The following CCDC179 variants were observed in gnomAD, a reference collection of about 807,000 sequenced individuals.
The protein encoded by CCDC179 is coiled-coil domain-containing protein 179.
CCDC179 carries 17 observed loss-of-function variants against 12.0 expected under a neutral mutation model. That is an observed-to-expected ratio of 1.42 (90% CI 0.97 to 2.13). The LOEUF is 2.13. CCDC179 is among the 30% of genes most tolerant of loss of function. The pLI is 0.00. For missense variants in CCDC179, 83 were observed against 78.6 expected (o/e 1.06, Z -0.21); for synonymous variants, 27 against 26.4 (o/e 1.02, Z -0.07).
rs577642430 is a variant in CCDC179 at position 22,849,678 on chromosome 11, C to T, written c.196-2157G>A. Among the ~76,000 whole-genome samples, 3 of 152,192 alleles carry T rather than the reference C, an allele frequency of 2.0e-5. No homozygotes were observed. In the South Asian group the frequency reaches 6.2e-4, roughly 32 times the overall value. ...AGCCCTCACTTTCCTCCCTTCCTTC[C>T]CCATGTGTCTCGAAAGTCCATTATA... On this transcript the variant is annotated intron_variant, in intron 3 of 3. Coordinates refer to ENST00000532798, the MANE Select transcript of CCDC179 (RefSeq NM_001195637.2).
Position 22,860,417 on chromosome 11 carries a change from C to T in CCDC179, c.5G>A (p.Cys2Tyr), listed in dbSNP as rs867662094. The change falls in exon 1 of 4, where the codon TGC (cysteine) becomes TAC (tyrosine). Residue 2 changes from cysteine to tyrosine, a missense_variant. Cys to Tyr is a radical substitution (Grantham distance 194, BLOSUM62 -2). Coordinates refer to ENST00000532798, the MANE Select transcript of CCDC179 (RefSeq NM_001195637.2). M[C>Y]LYCWDIEPSQ... is the part of the protein sequence containing the mutation. ...AGGCTCGATGTCCCAGCAATACAGG[C>T]ACATGCCGTGGAGCCTTAGGGCGCC... 37 of 1,535,218 alleles carry T rather than the reference C, an allele frequency of 2.4e-5. No homozygotes were observed. In the African/African-American group the frequency reaches 3.4e-4, roughly 14 times the overall value.
intron 2 of CCDC179, among the ~76,000 whole-genome samples, chr11:22,858,509 A>C (rs1387921089): frequency 6.6e-6 from 1 of 151,136 alleles, no homozygotes; most frequent in East Asian, 1.9e-4. Context: ...AATGAAATAC[A>C]GTAATAGAAT....
intron 3 of CCDC179, among the ~76,000 whole-genome samples, chr11:22,848,851 G>C (rs534289125): frequency 3.9e-5 from 6 of 152,254 alleles, no homozygotes; most frequent in Non-Finnish European, 8.8e-5. Context: ...GATTAATAGA[G>C]AAATTGAGAG....
chr11:22,850,023 T>G (rs542387741), intron 3 of CCDC179, among the ~76,000 whole-genome samples: 1 of 152,272 alleles, frequency 6.6e-6, no homozygotes, highest in South Asian at 2.1e-4. Flanking sequence ...TCAGGTATGA[T>G]GTTTACATAG....
At chr11:22,850,976 A>ACATATATTTTTTTTTT (rs1858382219) in intron 3 of CCDC179, among the ~76,000 whole-genome samples, 1 of 6,126 alleles carries the variant, frequency 1.6e-4, no homozygotes, top group Non-Finnish European at 4.4e-4. Context: ...ATATATATAT[A>ACATATATTTTTTTTTT]TTTTTTTTTT....
At chr11:22,851,531 G>A (rs1032494892) in intron 3 of CCDC179, among the ~76,000 whole-genome samples, 1 of 152,178 alleles carries the variant, frequency 6.6e-6, no homozygotes, top group African/African-American at 2.4e-5. Context: ...AAATTTAAGT[G>A]GAGCTTTCCA....
chr11:22,859,641 C>T (rs1858615817), intron 1 of CCDC179, 145 bp from the exon 2 acceptor site: 2 of 447,516 alleles, frequency 4.5e-6, no homozygotes, highest in South Asian at 1.8e-4. Context: ...GTTAAAAAAA[C>T]AAAAAGAAAA....
In CCDC179 at chr11:22,847,496, A is replaced by G. The variant is rs1858250365; in HGVS notation, c.*14T>C. The G allele has an allele frequency of 7.0e-7, 1 of 1,432,328 alleles. No individual in the cohort carries two copies. Among genetic ancestry groups the G allele is most frequent in the Non-Finnish European group, 9.3e-7 (1 of 1,077,852 alleles). The allele number at this position is 1,432,328 out of a possible 1,614,324, so 88.7% of individuals were successfully genotyped here. A position where few individuals can be genotyped will look rare whatever the true frequency, so the allele number is the denominator to read the frequency against. On this transcript the variant is annotated 3_prime_UTR_variant, in exon 4 of 4. Transcript: ENST00000532798. The stretch of plus-strand genomic sequence containing the variant: ...GTCTGGAGCATGGTTTCCTTCAAAT[A>G]GACTCCTGCTTTATCAAGATGACCA...
At chr11:22,853,715 AAAG>A (rs896155207) in intron 3 of CCDC179, among the ~76,000 whole-genome samples, 29 of 151,888 alleles carry the variant, frequency 1.9e-4, no homozygotes, top group Middle Eastern at 6.8e-3. Context: ...GAAGAAGAAG[AAAG>A]AAGAAGGAAG....
intron 3 of CCDC179, among the ~76,000 whole-genome samples, chr11:22,854,471 T>C (rs1858489891): frequency 6.6e-6 from 1 of 151,800 alleles, no homozygotes; most frequent in Non-Finnish European, 1.5e-5. Flanking sequence ...GCATTACCCA[T>C]AAAGTAGTAT....
intron 3 of CCDC179, among the ~76,000 whole-genome samples, chr11:22,849,791 G>T (rs1197754110): frequency 1.3e-5 from 2 of 152,068 alleles, no homozygotes; most frequent in East Asian, 3.9e-4. Flanking sequence ...AGATACCCAG[G>T]GTTCGTTGTC....
chr11:22,855,113 A>T (rs1174872069), intron 3 of CCDC179, among the ~76,000 whole-genome samples: 1 of 151,754 alleles, frequency 6.6e-6, no homozygotes, highest in East Asian at 1.9e-4. Flanking sequence ...TCATAGCTGG[A>T]AATGTCAATT....
chr11:22,857,541 A>G (rs995675764), intron 3 of CCDC179, among the ~76,000 whole-genome samples: 4 of 151,798 alleles, frequency 2.6e-5, no homozygotes, highest in Non-Finnish European at 3.0e-5. Flanking sequence ...AATGTAACAT[A>G]CACAACTGCA....
At chr11:22,849,909 A>G (rs1282285966) in intron 3 of CCDC179, among the ~76,000 whole-genome samples, 1 of 152,126 alleles carries the variant, frequency 6.6e-6, no homozygotes, top group African/African-American at 2.4e-5. Flanking sequence ...AGTGAGAGAG[A>G]GGAGATTCCT....
intron 3 of CCDC179, among the ~76,000 whole-genome samples, chr11:22,850,158 T>C (rs1858338118): frequency 6.6e-6 from 1 of 152,206 alleles, no homozygotes. Flanking sequence ...GATGGAGCTG[T>C]CATTTTGAAC....
intron 3 of CCDC179, among the ~76,000 whole-genome samples, chr11:22,853,048 A>C (rs1393131205): frequency 1.3e-5 from 2 of 152,204 alleles, no homozygotes; most frequent in Non-Finnish European, 2.9e-5. Flanking sequence ...CAAGACCAAA[A>C]ATAAGGAGGA....
At chr11:22,849,922 G>A (rs566214787) in intron 3 of CCDC179, among the ~76,000 whole-genome samples, 6 of 152,278 alleles carry the variant, frequency 3.9e-5, no homozygotes, top group Non-Finnish European at 7.4e-5. Context: ...AGATTCCTGA[G>A]AGGAAAGACG....
chr11:22,853,754 G>A (rs1858472593), intron 3 of CCDC179, among the ~76,000 whole-genome samples: 1 of 150,666 alleles, frequency 6.6e-6, no homozygotes, highest in Admixed American at 6.6e-5. Context: ...AGAAGGAGGA[G>A]AAACAGAATA....
chr11:22,852,150 G>T (rs1230056360), intron 3 of CCDC179, among the ~76,000 whole-genome samples: 9 of 152,148 alleles, frequency 5.9e-5, no homozygotes, highest in African/African-American at 1.4e-4. Context: ...AGAAGAAGTT[G>T]TGAAATTTAC....
Sources: allele counts gnomAD v4.1 joint callset (sites outside exome capture counted in the v4.1 genomes callset), GRCh38; gene constraint gnomAD v4.1.1; transcripts MANE v1.5; gene names NCBI Gene and HGNC (gene_info 2026-07-23, HGNC 2026-07-21).